CCDC7: variants seen among roughly 807,000 people sequenced by gnomAD.
The protein encoded by CCDC7 is coiled-coil domain-containing protein 7.
Under a neutral mutation model 196.9 loss-of-function variants are expected in CCDC7, and 183 were observed. That is an observed-to-expected ratio of 0.93 (90% CI 0.82 to 1.05). CCDC7 has a LOEUF of 1.05. Ranked by LOEUF, CCDC7 falls within the 50% of genes least tolerant of loss-of-function variation. The pLI is 0.00. For missense variants in CCDC7, 1,540 were observed against 1,482.2 expected (o/e 1.04, Z -0.64); for synonymous variants, 525 against 484.6 (o/e 1.08, Z -1.10).
intron 21 of CCDC7, among the ~76,000 whole-genome samples, chr10:32,670,348 T>C (rs1232274609): frequency 1.3e-5 from 2 of 152,054 alleles, no homozygotes; most frequent in African/African-American, 2.4e-5. Context: ...TCTAAGTTGC[T>C]TCCTGTTGAT....
At chr10:32,843,047 C>T (rs944491328) in intron 33 of CCDC7, among the ~76,000 whole-genome samples, 11 of 151,788 alleles carry the variant, frequency 7.2e-5, no homozygotes, top group Non-Finnish European at 2.9e-5. Context: ...AGAACTTAAT[C>T]ATGAAACCAA....
chr10:32,869,598 G>A (rs908702595), intron 41 of CCDC7, among the ~76,000 whole-genome samples: 2 of 152,022 alleles, frequency 1.3e-5, no homozygotes, highest in African/African-American at 4.8e-5. Flanking sequence ...TTTGGCTTTT[G>A]TTGCCATTGC....
At chr10:32,864,739 A>G (rs1417756658) in intron 41 of CCDC7, among the ~76,000 whole-genome samples, 2 of 151,948 alleles carry the variant, frequency 1.3e-5, no homozygotes, top group Non-Finnish European at 2.9e-5. Flanking sequence ...AATGATAGAA[A>G]GAAACATAGG....
intron 28 of CCDC7, among the ~76,000 whole-genome samples, chr10:32,751,627 AT>A (rs1164003430): frequency 6.6e-6 from 1 of 152,196 alleles, no homozygotes; most frequent in African/African-American, 2.4e-5. Flanking sequence ...CATATATGAT[AT>A]CCTGTAAATC....
At chr10:32,524,176 A>G (rs569946905) in intron 11 of CCDC7, among the ~76,000 whole-genome samples, 1 of 150,682 alleles carries the variant, frequency 6.6e-6, no homozygotes, top group South Asian at 2.1e-4. Context: ...TGAGGTTACC[A>G]TGAGGCTTGC....
chr10:32,544,193 G>C (rs11008968), intron 12 of CCDC7, 54 bp from the exon 14 acceptor site: 155,181 of 1,465,172 alleles, frequency 0.11, 9,624 homozygotes, highest in East Asian at 0.31. Context: ...AGAAAGCAAA[G>C]CAGTGATGCA....
intron 18 of CCDC7, among the ~76,000 whole-genome samples, chr10:32,604,194 C>T (rs1027741190): frequency 4.6e-5 from 7 of 152,064 alleles, no homozygotes; most frequent in African/African-American, 1.7e-4. Context: ...TTTAGAGTCT[C>T]TCCTATCCCC....
intron 1 of CCDC7, among the ~76,000 whole-genome samples, chr10:32,452,215 G>T (rs944086237): frequency 6.6e-6 from 1 of 152,180 alleles, no homozygotes; most frequent in African/African-American, 2.4e-5. Context: ...TTTATTGGGG[G>T]TTGTTTACTA....
intron 9 of CCDC7, chr10:32,513,761 C>T (rs1388004630): frequency 2.0e-5 from 3 of 152,096 alleles, no homozygotes; most frequent in Non-Finnish European, 4.4e-5. Context: ...TACATCAGTT[C>T]GCTAGATTCA....
chr10:32,811,866 G>T (rs2087214595), intron 30 of CCDC7, among the ~76,000 whole-genome samples: 1 of 152,060 alleles, frequency 6.6e-6, no homozygotes. Flanking sequence ...GGAAGATAAT[G>T]CACTGTGATC....
chr10:32,754,550 T>C (rs1013660765), intron 28 of CCDC7, among the ~76,000 whole-genome samples: 1 of 152,200 alleles, frequency 6.6e-6, no homozygotes, highest in African/African-American at 2.4e-5. Flanking sequence ...CAATAACATA[T>C]TTCAGTATGA....
intron 6 of CCDC7, 109 bp from the exon 8 acceptor site, chr10:32,472,372 A>G: frequency 1.0e-6 from 1 of 996,850 alleles, no homozygotes; most frequent in South Asian, 3.1e-5. Flanking sequence ...TTTAATTTTT[A>G]TTCTACAAAC....
chr10:32,707,831 C>G (rs1308966252), intron 24 of CCDC7, among the ~76,000 whole-genome samples: 4 of 152,072 alleles, frequency 2.6e-5, no homozygotes, highest in Admixed American at 2.6e-4. Flanking sequence ...AGGATACAAA[C>G]AAATGGAAGA....
intron 9 of CCDC7, among the ~76,000 whole-genome samples, chr10:32,501,945 G>A (rs1011540560): frequency 2.0e-5 from 3 of 152,134 alleles, no homozygotes; most frequent in African/African-American, 4.8e-5. Flanking sequence ...GCCCACAGTC[G>A]CCCCTTCCCC....
intron 24 of CCDC7, among the ~76,000 whole-genome samples, chr10:32,707,320 T>A (rs2079952655): frequency 6.6e-6 from 1 of 152,172 alleles, no homozygotes; most frequent in African/African-American, 2.4e-5. Context: ...GGGACGTATC[T>A]CAAAATAGTA....
At chr10:32,834,404 G>A (rs1016153979) in intron 32 of CCDC7, among the ~76,000 whole-genome samples, 2 of 151,954 alleles carry the variant, frequency 1.3e-5, no homozygotes, top group African/African-American at 4.8e-5. Flanking sequence ...CTGGTGTATG[G>A]ATATGCTTGT....
chr10:32,543,337 T>C, exon 12 of CCDC7: 2 of 1,463,452 alleles, frequency 1.4e-6, no homozygotes, highest in Non-Finnish European at 1.8e-6. Context: ...AAGAAAGCTG[T>C]GAAAACAGTG....
At position 32,490,655 on chromosome 10, in the gene CCDC7, G is replaced by A. The variant is rs1230583154; in HGVS notation, c.797-1267G>A. ...ACTAAAAATACAAAAAAATTACCTG[G>A]GTGTGGTGGTGGGCTCCTGTAGTCC... On this transcript the variant is annotated intron_variant, in intron 8 of 41. Transcript: ENST00000639629. Among the ~76,000 whole-genome samples the A allele has an allele frequency of 2.0e-5, 3 of 152,032 alleles. No homozygotes were observed. In the East Asian group the frequency reaches 5.8e-4, roughly 29 times the overall value.
chr10:32,719,595 G>T (rs1056246284), intron 25 of CCDC7, among the ~76,000 whole-genome samples: 2 of 152,114 alleles, frequency 1.3e-5, no homozygotes, highest in African/African-American at 4.8e-5. Context: ...CCTATAGAAT[G>T]GGAGAAAATT....
Sources: allele counts gnomAD v4.1 joint callset (sites outside exome capture counted in the v4.1 genomes callset), GRCh38; gene constraint gnomAD v4.1.1; transcripts MANE v1.5; gene names NCBI Gene and HGNC (gene_info 2026-07-23, HGNC 2026-07-21).